Variants in BRD9 observed in about 807,000 individuals in gnomAD.
BRD9 encodes bromodomain containing 9.
A neutral mutation model predicts 68.7 loss-of-function variants in BRD9; 47 were observed. The ratio of observed to expected loss-of-function variants is 0.68; its 90% CI spans 0.54 to 0.87. BRD9 has a LOEUF of 0.87. Among genes scored for constraint, BRD9 ranks in the 40% least tolerant of loss-of-function variants. The pLI is 0.00. For missense variants in BRD9, 670 were observed against 748.4 expected, an observed-to-expected ratio of 0.90 and a Z score of 1.22; for synonymous variants, 313 against 293.9, an observed-to-expected ratio of 1.06 and a Z score of -0.67.
chr5:884,797 A>G (rs1409026535), intron 7 of BRD9, among the ~76,000 whole-genome samples: 1 of 152,210 alleles, frequency 6.6e-6, no homozygotes, highest in Non-Finnish European at 1.5e-5. Flanking sequence ...GCAACCCTAC[A>G]CAGGAGTCAC....
At chr5:874,029 G>C (rs1750538473) in intron 12 of BRD9, among the ~76,000 whole-genome samples, 1 of 152,246 alleles carries the variant, frequency 6.6e-6, no homozygotes, top group Non-Finnish European at 1.5e-5. Context: ...ATGATCATCA[G>C]TATTCTCTGA....
intron 9 of BRD9, among the ~76,000 whole-genome samples, chr5:880,746 G>C (rs1165786595): frequency 6.6e-6 from 1 of 152,248 alleles, no homozygotes; most frequent in Admixed American, 6.5e-5. Flanking sequence ...CCAGATTCAA[G>C]GAGCAGGGTG....
Position 892,627 on chromosome 5 carries a change from C to T in BRD9, c.31G>A (p.Glu11Lys). 6.6e-7 allele frequency: 1 copy of T among 1,510,806 alleles called. No individual in the cohort carries two copies. Among genetic ancestry groups the T allele is most frequent in the East Asian group, 2.8e-5 (1 of 35,706 alleles). 93.6% of individuals were successfully genotyped at this position (1,510,806 alleles called of 1,614,324 possible). Residue 11 changes from glutamate (E) to lysine (K), a missense_variant, in exon 1 of 16, where the codon GAG (glutamate) becomes AAG (lysine). Physicochemically the swap from Glu to Lys is moderately conservative, Grantham distance 56 (BLOSUM62 1). Transcript: ENST00000467963. MGKKHKKHKA[E>K]WRSSYEDYAD... ...TCACCCTCGTAGGACGAGCGCCACT[C>T]GGCCTTGTGCTTCTTGTGCTTCTTG...
Position 864,464 on chromosome 5 carries a change from A to G in BRD9, c.*4T>C, listed in dbSNP as rs115833503. The G allele has an allele frequency of 1.0e-3, 1,608 of 1,599,430 alleles. 14 individuals carry two copies. The African/African-American group carries it at 0.019, about 19-fold the overall frequency. The stretch of plus-strand genomic sequence containing the variant: ...AAAATAAAAGAGCTGAAGGTGGTCT[A>G]GAGTTAGGTCTTGGCAGAGGCCGCA... On this transcript the variant is annotated 3_prime_UTR_variant, in exon 16 of 16. Transcript: ENST00000467963.
intron 3 of BRD9, chr5:889,972 G>T (rs1168505607): frequency 1.4e-5 from 5 of 358,922 alleles, no homozygotes; most frequent in Non-Finnish European, 2.2e-5. Flanking sequence ...AAACGCTCTG[G>T]ACATAAAGGT....
chr5:871,589 C>G, intron 12 of BRD9, 25 bp from the exon 13 acceptor site: 1 of 1,609,396 alleles, frequency 6.2e-7, no homozygotes, highest in Non-Finnish European at 8.5e-7. Context: ...AGGACAGAAA[C>G]TAGTTTTTCC....
chr5:882,561 C>T (rs1162173604), intron 8 of BRD9: 2 of 160,334 alleles, frequency 1.2e-5, no homozygotes, highest in African/African-American at 4.9e-5. Flanking sequence ...AACAGATAAG[C>T]CACACAGACC....
chr5:892,118 T>C, intron 1 of BRD9: 3 of 529,828 alleles, frequency 5.7e-6, no homozygotes, highest in African/African-American at 1.9e-5. Flanking sequence ...TTCACATTAC[T>C]CGTTCAAGAA....
rs1364024135 is a variant in BRD9, at chr5:889,601, G to C, written c.447C>G (p.Leu149=). ...CCCCGGTTTACCTCTGAAGCTGGCG[G>C]AGGAAGTGTTCCAGGAGTTGCTGAA... ...TPIQQLLEHF[L]RQLQRKDPHG... is the part of the protein sequence containing the mutation. Residue 149 remains leucine, a synonymous_variant, in exon 4 of 16, where the codon CTC becomes CTG. Coordinates refer to ENST00000467963, the MANE Select transcript of BRD9 (RefSeq NM_023924.5). 5 of 1,613,746 alleles carry C rather than the reference G, an allele frequency of 3.1e-6. No individual in the cohort carries two copies. The highest frequency in any genetic ancestry group is 1.6e-4 in the Middle Eastern group (1 of 6,062).
At chr5:872,689 C>T (rs531579304) in intron 12 of BRD9, among the ~76,000 whole-genome samples, 1 of 152,322 alleles carries the variant, frequency 6.6e-6, no homozygotes, top group Admixed American at 6.5e-5. Context: ...TCTTCAGGGG[C>T]CTGCGAGCCC....
At chr5:891,082 G>C in intron 3 of BRD9, 73 bp downstream of exon 3, 1 of 1,464,624 alleles carries the variant, frequency 6.8e-7, no homozygotes, top group Non-Finnish European at 9.1e-7. Context: ...AAAGCAACAG[G>C]ACACGGTGCC....
chr5:887,991 C>T (rs1752810636), intron 5 of BRD9, among the ~76,000 whole-genome samples: 1 of 152,180 alleles, frequency 6.6e-6, no homozygotes, highest in African/African-American at 2.4e-5. Flanking sequence ...AATACGGAAG[C>T]ATCAGTATTT....
intron 12 of BRD9, 39 bp from the exon 13 acceptor site, chr5:871,603 G>A (rs1750135429): frequency 4.4e-6 from 7 of 1,590,618 alleles, no homozygotes; most frequent in Non-Finnish European, 5.2e-6. Flanking sequence ...TTTTTCCAGA[G>A]TGATTTCATA....
At chr5:888,338 CTCA>C (rs1752867341) in intron 5 of BRD9, 2 of 152,350 alleles carry the variant, frequency 1.3e-5, no homozygotes, top group African/African-American at 4.8e-5. Flanking sequence ...GCCTGATCCT[CTCA>C]TCGAGTTTCC....
rs774809480 is a variant in BRD9, at chr5:884,089, C to T, written c.834-19G>A. 88 of 1,610,034 alleles carry T rather than the reference C, an allele frequency of 5.5e-5. No individual in the cohort carries two copies. The highest frequency in any genetic ancestry group is 7.7e-5 in the South Asian group (7 of 91,038). Reference sequence around the variant, plus strand: ...CATGCAGCTGTGAGGTGGGGACAACCAAGTCACCTGGAGGCAGCGTCCCCA... The same window carrying T: ...CATGCAGCTGTGAGGTGGGGACAACTAAGTCACCTGGAGGCAGCGTCCCCA... On this transcript the variant is annotated intron_variant, in intron 7 of 15. Coordinates refer to ENST00000467963, the MANE Select transcript of BRD9 (RefSeq NM_023924.5).
chr5:890,416 T>G (rs1300834630), intron 3 of BRD9, among the ~76,000 whole-genome samples: 1 of 151,958 alleles, frequency 6.6e-6, no homozygotes, highest in Admixed American at 6.5e-5. Context: ...ATGCTGAGAG[T>G]TGCTGGGAAG....
chr5:876,055 A>T, intron 12 of BRD9, 46 bp downstream of exon 12: 1 of 1,389,006 alleles, frequency 7.2e-7, no homozygotes, highest in Non-Finnish European at 1.0e-6. Context: ...CGCCAGCAGC[A>T]CCCCAAGGGC....
At chr5:881,407 TA>T (rs1400080003) in intron 8 of BRD9, 6 of 587,222 alleles carry the variant, frequency 1.0e-5, no homozygotes, top group Non-Finnish European at 1.8e-5. Context: ...GGCCCTGCTA[TA>T]GGGGGTACAG....
At chr5:883,858 A>C in intron 8 of BRD9, 80 bp downstream of exon 8, 1 of 1,552,640 alleles carries the variant, frequency 6.4e-7, no homozygotes, top group Non-Finnish European at 8.7e-7. Context: ...GCTAGATCAC[A>C]CAGCACCAAC....
Sources: allele counts gnomAD v4.1 joint callset (sites outside exome capture counted in the v4.1 genomes callset), GRCh38; gene constraint gnomAD v4.1.1; transcripts MANE v1.5; gene names NCBI Gene and HGNC (gene_info 2026-07-23, HGNC 2026-07-21).